OCA2: variants seen among roughly 807,000 people sequenced by gnomAD.
The protein encoded by OCA2 is P protein.
In OCA2, 77 loss-of-function variants were observed where a neutral mutation model predicts 100.2. That is an observed-to-expected ratio of 0.77 (90% CI 0.64 to 0.93). The LOEUF is 0.93. OCA2 is among the 40% of genes least tolerant of loss of function. The pLI is 0.00. For synonymous variants in OCA2, 432 were observed against 439.2 expected, an observed-to-expected ratio of 0.98 and a Z score of 0.21; for missense variants, 1,062 against 1,089.1, an observed-to-expected ratio of 0.98 and a Z score of 0.35.
At chr15:28,000,655 C>T (rs1359382757) in intron 9 of OCA2, among the ~76,000 whole-genome samples, 1 of 152,044 alleles carries the variant, frequency 6.6e-6, no homozygotes, top group Non-Finnish European at 1.5e-5. Context: ...GCAAAGGAAA[C>T]AAACAACAAA....
intron 23 of OCA2, among the ~76,000 whole-genome samples, chr15:27,818,002 T>C (rs969019322): frequency 3.9e-5 from 6 of 152,218 alleles, no homozygotes; most frequent in African/African-American, 1.4e-4. Context: ...TCTTATTTTC[T>C]TCAGGAAGAC....
chr15:27,978,234 T>C (rs935032521), intron 14 of OCA2, among the ~76,000 whole-genome samples: 1 of 152,210 alleles, frequency 6.6e-6, no homozygotes, highest in African/African-American at 2.4e-5. Context: ...TCAGTTAATG[T>C]TTCAAGTGCA....
At chr15:27,779,365 G>A (rs944388809) in intron 23 of OCA2, among the ~76,000 whole-genome samples, 10 of 152,108 alleles carry the variant, frequency 6.6e-5, no homozygotes, top group African/African-American at 1.9e-4. Context: ...GAGTATTAAC[G>A]TTTCCTACTA....
chr15:27,906,425 C>A (rs920615809), intron 19 of OCA2, among the ~76,000 whole-genome samples: 3 of 151,302 alleles, frequency 2.0e-5, no homozygotes, highest in East Asian at 3.9e-4. Flanking sequence ...GATATCAAAG[C>A]AAGTAAGAGA....
rs1335824818 is a variant in OCA2, at chr15:27,957,575, C to A, written c.1784+13G>T. On this transcript the variant is annotated intron_variant, in intron 16 of 23. Coordinates refer to ENST00000354638, the MANE Select transcript of OCA2 (RefSeq NM_000275.3). This position sits in a 1 kb window ranked among gnomAD's most constrained non-coding sequence, Gnocchi z 4.3. ...CACACCAAGCACAGTCTGAGCAGGACCCCGCCCGGTACCTGTGGAAGGTGT... is the reference window on the plus strand; with the variant it reads ...CACACCAAGCACAGTCTGAGCAGGAACCCGCCCGGTACCTGTGGAAGGTGT... 9 of 1,611,952 alleles carry A rather than the reference C, an allele frequency of 5.6e-6. No individual in the cohort carries two copies. Among genetic ancestry groups the A allele is most frequent in the Non-Finnish European group, 7.6e-6 (9 of 1,179,792 alleles).
intron 9 of OCA2, among the ~76,000 whole-genome samples, chr15:28,011,430 T>C (rs1160792404): frequency 2.6e-5 from 4 of 152,022 alleles, no homozygotes; most frequent in Non-Finnish European, 5.9e-5. Context: ...ATCATGCTAC[T>C]GCACTCCAGC....
rs1555440003 is a variant in OCA2, at chr15:27,951,844, C to T, written c.1891G>A (p.Gly631Arg). ...AGGAAAAACATGAAGATAACAAATCCCAACACTGTCAGGCATTTGGCGAGC... is the reference window on the plus strand; with the variant it reads ...AGGAAAAACATGAAGATAACAAATCTCAACACTGTCAGGCATTTGGCGAGC... ...ILLAKCLTVL[G>R]FVIFMFFLNS... Residue 631 changes from glycine to arginine, a missense_variant, in exon 18 of 24, where the codon GGA becomes AGA. Gly to Arg is a moderately radical substitution (Grantham distance 125). Coordinates refer to ENST00000354638, the MANE Select transcript of OCA2 (RefSeq NM_000275.3). 4 of 1,613,920 alleles carry T rather than the reference C, an allele frequency of 2.5e-6. No individual in the cohort carries two copies. The African/African-American group carries it at 4.0e-5, about 16-fold the overall frequency.
chr15:27,819,423 A>T (rs1349631607), intron 23 of OCA2, among the ~76,000 whole-genome samples: 2 of 152,254 alleles, frequency 1.3e-5, no homozygotes, highest in African/African-American at 4.8e-5. Flanking sequence ...CCACTGCCTC[A>T]TCCATCTCCA....
the OCA2 span, among the ~76,000 whole-genome samples, chr15:27,744,285 C>T: frequency 2.6e-5 from 4 of 152,126 alleles, no homozygotes; most frequent in South Asian, 2.1e-4. Context: ...TAAAATCATG[C>T]GGGAAAAGAG....
At chr15:27,814,826 T>C (rs1482016019) in intron 23 of OCA2, among the ~76,000 whole-genome samples, 6 of 151,918 alleles carry the variant, frequency 3.9e-5, no homozygotes, top group Admixed American at 3.9e-4. Flanking sequence ...GAGGTTGCAG[T>C]GAGCCAAGAT....
intron 19 of OCA2, among the ~76,000 whole-genome samples, chr15:27,874,150 T>C (rs1166878079): frequency 6.6e-6 from 1 of 152,186 alleles, no homozygotes; most frequent in Non-Finnish European, 1.5e-5. Flanking sequence ...GCCAAACAAA[T>C]GGACCCTAGA....
At chr15:27,905,119 G>A (rs1050365010) in intron 19 of OCA2, among the ~76,000 whole-genome samples, 13 of 144,698 alleles carry the variant, frequency 9.0e-5, no homozygotes, top group South Asian at 2.2e-4. Flanking sequence ...AGCCAAGATC[G>A]CGCCACTGCA....
At chr15:28,074,267 G>C (rs560942110) in intron 2 of OCA2, among the ~76,000 whole-genome samples, 1 of 152,138 alleles carries the variant, frequency 6.6e-6, no homozygotes, top group African/African-American at 2.4e-5. Flanking sequence ...GGCCAGGCAC[G>C]GTAGCTCACG....
the OCA2 span, among the ~76,000 whole-genome samples, chr15:27,741,816 A>G: frequency 6.6e-6 from 1 of 152,310 alleles, no homozygotes; most frequent in African/African-American, 2.4e-5. Context: ...GCCACTATGA[A>G]TTGTTTCAAA....
At chr15:27,840,273 C>T (rs1261158989) in intron 23 of OCA2, among the ~76,000 whole-genome samples, 1 of 152,060 alleles carries the variant, frequency 6.6e-6, no homozygotes, top group Non-Finnish European at 1.5e-5. Context: ...CTAAGAAATA[C>T]ATCAAAGTCT....
intron 6 of OCA2, among the ~76,000 whole-genome samples, chr15:28,020,664 G>A (rs1287117312): frequency 6.6e-6 from 1 of 151,954 alleles, no homozygotes; most frequent in African/African-American, 2.4e-5. Context: ...ACAGCTCTTC[G>A]GTTCTCTCAC....
intron 23 of OCA2, among the ~76,000 whole-genome samples, chr15:27,767,022 T>G (rs1451123521): frequency 1.3e-5 from 2 of 152,154 alleles, no homozygotes; most frequent in Non-Finnish European, 2.9e-5. Context: ...AAGTCCCAGT[T>G]CCCAAATACC....
the OCA2 span, among the ~76,000 whole-genome samples, chr15:27,739,658 C>T: frequency 6.6e-6 from 1 of 151,978 alleles, no homozygotes; most frequent in Admixed American, 6.6e-5. Flanking sequence ...ATTGGCCAGG[C>T]AGGTCTTGAA....
intron 23 of OCA2, among the ~76,000 whole-genome samples, chr15:27,829,881 C>T (rs1686512755): frequency 6.6e-6 from 1 of 152,200 alleles, no homozygotes; most frequent in Non-Finnish European, 1.5e-5. Flanking sequence ...CTGAAAATAG[C>T]TGATACCCTC....
Sources: gnomAD v4.1 joint callset for allele counts (sites outside exome capture counted in the v4.1 genomes callset) on GRCh38, gnomAD v4.1.1 for gene constraint, Gnocchi (gnomAD v3.1) non-coding constraint, MANE v1.5 for transcripts, NCBI Gene and HGNC (gene_info 2026-07-23, HGNC 2026-07-21) for gene names.